GALNT11: variants seen among roughly 807,000 people sequenced by gnomAD.
GALNT11 encodes polypeptide N-acetylgalactosaminyltransferase 11.
In GALNT11, 47 loss-of-function variants were observed where a neutral mutation model predicts 72.7. The ratio of observed to expected loss-of-function variants is 0.65; its 90% CI spans 0.51 to 0.82. The LOEUF (loss-of-function observed/expected upper bound fraction) is 0.82, where lower values mean the gene tolerates loss of function less well. GALNT11 is among the 40% of genes least tolerant of loss of function. The probability of loss-of-function intolerance (pLI) is 0.00; values close to 1 mark genes in which losing one functional copy is unlikely to be tolerated. For missense variants in GALNT11, 677 were observed against 778.4 expected (o/e 0.87, Z 1.55); for synonymous variants, 270 against 286.6 (o/e 0.94, Z 0.58).
At chr7:152,027,024 C>T (rs538812200) in intron 1 of GALNT11, among the ~76,000 whole-genome samples, 26 of 152,218 alleles carry the variant, frequency 1.7e-4, no homozygotes, top group African/African-American at 2.9e-4. Flanking sequence ...CCAAGGCGAG[C>T]GGATCACGAG....
intron 1 of GALNT11, among the ~76,000 whole-genome samples, chr7:152,090,513 T>C (rs974840997): frequency 6.6e-6 from 1 of 152,224 alleles, no homozygotes. Flanking sequence ...CTCTGTAGTG[T>C]TCATTTGCAC....
At chr7:152,065,443 C>T (rs191024221) in intron 1 of GALNT11, among the ~76,000 whole-genome samples, 85 of 152,302 alleles carry the variant, frequency 5.6e-4, no homozygotes, top group African/African-American at 1.7e-3. Context: ...TCTCTCAACT[C>T]GTCAAAGTCA....
chr7:152,115,800 T>C (rs1463831554), intron 8 of GALNT11, among the ~76,000 whole-genome samples: 1 of 152,202 alleles, frequency 6.6e-6, no homozygotes, highest in Admixed American at 6.5e-5. Flanking sequence ...CGCATGCCTG[T>C]AATCCCAGCA....
At chr7:152,036,741 C>G (rs1332249694) in intron 1 of GALNT11, among the ~76,000 whole-genome samples, 1 of 152,186 alleles carries the variant, frequency 6.6e-6, no homozygotes. Flanking sequence ...CACATCCTCA[C>G]CATCATTCAT....
chr7:152,050,092 G>A (rs1006117860), intron 1 of GALNT11, among the ~76,000 whole-genome samples: 1 of 152,020 alleles, frequency 6.6e-6, no homozygotes, highest in African/African-American at 2.4e-5. Flanking sequence ...GGCCCGCTTG[G>A]TGCTCTACCC....
chr7:152,080,517 GC>G (rs2085257117), intron 1 of GALNT11, among the ~76,000 whole-genome samples: 1 of 152,150 alleles, frequency 6.6e-6, no homozygotes, highest in African/African-American at 2.4e-5. Context: ...AAGCAGTATA[GC>G]ATTTTGTAGA....
intron 1 of GALNT11, among the ~76,000 whole-genome samples, chr7:152,071,223 C>T (rs547056924): frequency 2.0e-4 from 30 of 152,292 alleles, no homozygotes; most frequent in South Asian, 4.1e-4. Flanking sequence ...AGCCTGGGAG[C>T]GCTATGGGAG....
At chr7:152,113,507 C>A in intron 8 of GALNT11, 109 bp downstream of exon 8, 1 of 1,305,912 alleles carries the variant, frequency 7.7e-7, no homozygotes, top group South Asian at 1.5e-5. Context: ...TCTTGGTTAA[C>A]CTTCACCTTA....
At chr7:152,031,432 G>T (rs148419747) in intron 1 of GALNT11, among the ~76,000 whole-genome samples, 4 of 152,228 alleles carry the variant, frequency 2.6e-5, no homozygotes, top group Admixed American at 6.5e-5. Context: ...CCCTCAAGGA[G>T]TAGTGCCTGG....
rs761145740 is a variant in GALNT11 at position 152,094,479 on chromosome 7, T to C, written c.252T>C (p.Val84=). 1 of 1,613,554 alleles carries C rather than the reference T, an allele frequency of 6.2e-7. No homozygotes were observed. Among genetic ancestry groups the C allele is most frequent in the East Asian group, 2.2e-5 (1 of 44,904 alleles). Residue 84 remains valine, a synonymous_variant, in exon 2 of 12, where the codon GTT becomes GTC. Coordinates refer to ENST00000430044, the MANE Select transcript of GALNT11 (RefSeq NM_022087.4). The surrounding 1 kb of genome is among the most constrained non-coding windows in gnomAD (Gnocchi z 4.3). The part of the protein sequence containing the change: ...NKIDDVIDSR[V]EDPEEGHLKF... ...TTGACGATGTGATAGACAGTCGTGT[T>C]GAAGATCCAGAAGAAGGCCACTTGA... is the stretch of plus-strand genomic sequence containing the variant.
chr7:152,071,686 A>T (rs979254061), intron 1 of GALNT11, among the ~76,000 whole-genome samples: 2 of 152,164 alleles, frequency 1.3e-5, no homozygotes, highest in Admixed American at 1.3e-4. Context: ...AATCTTCACA[A>T]TTTATGTTTA....
intron 8 of GALNT11, among the ~76,000 whole-genome samples, chr7:152,114,672 T>TGCCTCA (rs989977240): frequency 3.3e-5 from 5 of 152,128 alleles, no homozygotes; most frequent in African/African-American, 4.8e-5. Context: ...GTGATTCTCC[T>TGCCTCA]GCCTCAGCCT....
At chr7:152,099,524 C>T (rs1004553721) in intron 2 of GALNT11, among the ~76,000 whole-genome samples, 2 of 143,628 alleles carry the variant, frequency 1.4e-5, no homozygotes, top group African/African-American at 2.5e-5. Flanking sequence ...CCACCACTCC[C>T]GCCTAGTTTT....
At chr7:152,092,254 T>C (rs2086089847) in intron 1 of GALNT11, among the ~76,000 whole-genome samples, 2 of 152,334 alleles carry the variant, frequency 1.3e-5, no homozygotes, top group African/African-American at 4.8e-5. Context: ...GCTCTGTACA[T>C]TTTTGTTGCA....
chr7:152,086,507 A>G (rs150780362), intron 1 of GALNT11, among the ~76,000 whole-genome samples: 70 of 152,338 alleles, frequency 4.6e-4, no homozygotes, highest in African/African-American at 1.6e-3. Context: ...AAAAAGAATA[A>G]CATCTGCCTG....
At chr7:152,117,122 T>C in intron 8 of GALNT11, 35 bp from the exon 9 acceptor site, 1 of 1,553,404 alleles carries the variant, frequency 6.4e-7, no homozygotes, top group Non-Finnish European at 8.7e-7. Context: ...TAACAAAAAA[T>C]TCGATTTTCT....
At chr7:152,042,614 G>A (rs867775402) in intron 1 of GALNT11, among the ~76,000 whole-genome samples, 38 of 152,176 alleles carry the variant, frequency 2.5e-4, no homozygotes, top group South Asian at 6.2e-4. Context: ...CACTTGAAGC[G>A]GTTCCTTCAA....
intron 1 of GALNT11, among the ~76,000 whole-genome samples, chr7:152,068,928 G>A (rs187770753): frequency 2.8e-4 from 43 of 151,926 alleles, no homozygotes; most frequent in Admixed American, 2.2e-3. Flanking sequence ...GGCTGACTTC[G>A]TAATAAGATT....
At chr7:152,034,634 T>C (rs1183453953) in intron 1 of GALNT11, among the ~76,000 whole-genome samples, 2 of 152,094 alleles carry the variant, frequency 1.3e-5, no homozygotes, top group Non-Finnish European at 2.9e-5. Context: ...GAACCCACAA[T>C]GGTCCCTGAA....
Sources: gnomAD v4.1 joint callset for allele counts (sites outside exome capture counted in the v4.1 genomes callset) on GRCh38, gnomAD v4.1.1 for gene constraint, Gnocchi (gnomAD v3.1) non-coding constraint, MANE v1.5 for transcripts, NCBI Gene and HGNC (gene_info 2026-07-23, HGNC 2026-07-21) for gene names.